The following SAP30BP variants were observed in gnomAD, a reference collection of about 807,000 sequenced individuals.
SAP30BP encodes the protein SAP30 binding protein.
Under a neutral mutation model 46.3 loss-of-function variants are expected in SAP30BP, and 31 were observed. The ratio of observed to expected loss-of-function variants is 0.67; its 90% CI spans 0.50 to 0.90. The LOEUF is 0.90. Among genes scored for constraint, SAP30BP ranks in the 40% least tolerant of loss-of-function variants. The pLI is 0.00. For synonymous variants in SAP30BP, 169 were observed against 144.2 expected (o/e 1.17, Z -1.23); for missense variants, 312 against 391.0 (o/e 0.80, Z 1.70).
intron 3 of SAP30BP, among the ~76,000 whole-genome samples, chr17:75,677,785 C>T (rs1189303441): frequency 3.0e-5 from 4 of 133,622 alleles, no homozygotes; most frequent in Admixed American, 8.1e-5. Flanking sequence ...TTAAATCAAA[C>T]GGCTACAGTT....
Position 75,703,304 on chromosome 17 carries a change from C to G in SAP30BP, c.489-7C>G. The G allele has an allele frequency of 6.2e-7, 1 of 1,614,078 alleles. No individual in the cohort carries two copies. On this transcript the variant is annotated splice_polypyrimidine_tract_variant and splice_region_variant and intron_variant, in intron 6 of 10. Coordinates refer to ENST00000584667, the MANE Select transcript of SAP30BP (RefSeq NM_013260.8). ...GTGCCTGCTCAGCGCCGGCACTGTT[C>G]TTTCAGCATCTACGAGAAGCTGATC...
intron 2 of SAP30BP, among the ~76,000 whole-genome samples, chr17:75,669,878 C>T (rs1367136480): frequency 6.6e-6 from 1 of 152,110 alleles, no homozygotes; most frequent in Non-Finnish European, 1.5e-5. Context: ...TTGCAGAAAA[C>T]GCAAGGAAAT....
chr17:75,703,618 C>T (rs574633549), intron 7 of SAP30BP, 190 bp from the exon 8 acceptor site: 7 of 647,666 alleles, frequency 1.1e-5, no homozygotes, highest in African/African-American at 7.3e-5. Context: ...TCCTGGGGTT[C>T]GCTGGATGGG....
intron 6 of SAP30BP, chr17:75,702,796 C>T (rs1403659658): frequency 1.3e-5 from 5 of 372,962 alleles, no homozygotes; most frequent in South Asian, 5.7e-5. Flanking sequence ...GAGACCTAGA[C>T]GGGGATGAGG....
chr17:75,669,100 G>T lies in SAP30BP; in HGVS notation c.216+475G>T, dbSNP rs372576972. On this transcript the variant is annotated intron_variant, in intron 2 of 10. Transcript: ENST00000584667. ...TTTTCTTTTTTTTTTTTGAGATAGG[G>T]TCTCACTCTGCTGTCCAGATTGGAG... Among the ~76,000 whole-genome samples the T allele has an allele frequency of 6.0e-5, 9 of 151,106 alleles. No individual in the cohort carries two copies. The East Asian group carries it at 9.7e-4, about 16-fold the overall frequency.
rs1475594944 is a variant in SAP30BP, at chr17:75,692,436, G to A, written c.265-1004G>A. On this transcript the variant is annotated intron_variant, in intron 3 of 10. Transcript: ENST00000584667. ...ACTTTCTGTGAACTCTGCCTCTGCT[G>A]TTTTGATGATGAGCACGTGTGGCCC... The A allele has an allele frequency of 5.1e-6, 5 of 985,378 alleles. No homozygotes were observed. The African/African-American group carries it at 8.7e-5, about 17-fold the overall frequency. The allele number at this position is 985,378 out of a possible 1,614,324, so 61.0% of individuals were successfully genotyped here.
intron 3 of SAP30BP, among the ~76,000 whole-genome samples, chr17:75,688,068 G>A (rs1046210824): frequency 3.3e-5 from 5 of 152,136 alleles, no homozygotes; most frequent in African/African-American, 9.7e-5. Flanking sequence ...TCATCGGCCA[G>A]GTGAGCATGA....
intron 4 of SAP30BP, among the ~76,000 whole-genome samples, chr17:75,695,725 G>A (rs1048949433): frequency 3.9e-5 from 6 of 152,172 alleles, no homozygotes; most frequent in Non-Finnish European, 7.4e-5. Context: ...TATGGGAAGT[G>A]TGTCCATGCA....
intron 3 of SAP30BP, among the ~76,000 whole-genome samples, chr17:75,675,526 A>C (rs2059977432): frequency 6.6e-6 from 1 of 152,218 alleles, no homozygotes; most frequent in African/African-American, 2.4e-5. Context: ...ACAATTAAAA[A>C]TTGAGGATCT....
chr17:75,667,502 A>T (rs751861829), intron 1 of SAP30BP, 24 bp downstream of exon 1: 1 of 1,607,890 alleles, frequency 6.2e-7, no homozygotes, highest in South Asian at 1.1e-5. Context: ...GCGAAGCTGG[A>T]AGGGGGAATC....
chr17:75,704,590 C>T, intron 8 of SAP30BP, 166 bp from the exon 9 acceptor site: 1 of 637,470 alleles, frequency 1.6e-6, no homozygotes, highest in South Asian at 1.8e-5. Flanking sequence ...GCTGAAGGCC[C>T]CTGCCCTATG....
In SAP30BP at chr17:75,681,468, G is replaced by A. The variant is rs560196616; in HGVS notation, c.264+9605G>A. Among the ~76,000 whole-genome samples, 7 of 152,286 alleles carry A rather than the reference G, an allele frequency of 4.6e-5. No individual in the cohort carries two copies. The South Asian group carries it at 1.0e-3, about 23-fold the overall frequency. ...GATTTGTATTGGGCAGAGCTGACTC[G>A]GTAATTCCCTCACCCACTCTCCTCT... On this transcript the variant is annotated intron_variant, in intron 3 of 10. Transcript: ENST00000584667.
At chr17:75,673,306 G>A (rs553839030) in intron 3 of SAP30BP, among the ~76,000 whole-genome samples, 5 of 152,268 alleles carry the variant, frequency 3.3e-5, no homozygotes, top group East Asian at 3.9e-4. Flanking sequence ...CTGAGAACTC[G>A]CCCTGCCTGA....
In SAP30BP at chr17:75,674,766, A is replaced by T. The variant is rs531260932; in HGVS notation, c.264+2903A>T. Among the ~76,000 whole-genome samples the T allele has an allele frequency of 9.0e-5, 11 of 121,676 alleles. No homozygotes were observed. In the South Asian group the frequency reaches 2.2e-3, roughly 25 times the overall value. The allele number at this position is 121,676 out of a possible 152,430, so 79.8% of individuals were successfully genotyped here. A position where few individuals can be genotyped will look rare whatever the true frequency, so the allele number is the denominator to read the frequency against. ...CTGTCGCCTGGAGTGCAGTGGTGCC[A>T]TCATAACTTACTGCAGCCACAACCT... On this transcript the variant is annotated intron_variant, in intron 3 of 10. Transcript: ENST00000584667.
At chr17:75,693,255 T>C (rs533714492) in intron 3 of SAP30BP, 185 bp from the exon 4 acceptor site, 120 of 581,352 alleles carry the variant, frequency 2.1e-4, no homozygotes, top group African/African-American at 1.5e-3. Context: ...GCTGCTGCGA[T>C]GCGGGAAGAA....
intron 1 of SAP30BP, 35 bp downstream of exon 1, chr17:75,667,513 G>C (rs1348393610): frequency 1.1e-5 from 17 of 1,592,026 alleles, no homozygotes; most frequent in Non-Finnish European, 8.6e-6. Flanking sequence ...AGGGGGAATC[G>C]GGTGTCTGCC....
chr17:75,667,711 C>T (rs1160716758), intron 1 of SAP30BP, among the ~76,000 whole-genome samples: 10 of 152,230 alleles, frequency 6.6e-5, no homozygotes, highest in Non-Finnish European at 1.5e-5. Flanking sequence ...TCCGTGCCGG[C>T]TATAGTGATA....
rs1233204679 is a variant in SAP30BP at position 75,689,298 on chromosome 17, G to T, written c.265-4142G>T. 2.6e-5 allele frequency among the ~76,000 whole-genome samples: 4 copies of T among 151,832 alleles called. No individual in the cohort carries two copies. In the East Asian group the frequency reaches 5.8e-4, roughly 22 times the overall value. On this transcript the variant is annotated intron_variant, in intron 3 of 10. Coordinates refer to ENST00000584667, the MANE Select transcript of SAP30BP (RefSeq NM_013260.8). The stretch of plus-strand genomic sequence containing the variant: ...TGCCCGGCTAATTTTTGTATTTTTA[G>T]TGGAGAGGAGGTTTTACCATGTTGT...
intron 3 of SAP30BP, among the ~76,000 whole-genome samples, chr17:75,689,191 C>A (rs866954316): frequency 4.9e-4 from 69 of 139,966 alleles, no homozygotes; most frequent in African/African-American, 1.8e-3. Flanking sequence ...CTTGCTCTTT[C>A]AGGCTGGAGT....
Sources: allele counts gnomAD v4.1 joint callset (sites outside exome capture counted in the v4.1 genomes callset), GRCh38; gene constraint gnomAD v4.1.1; transcripts MANE v1.5; gene names NCBI Gene and HGNC (gene_info 2026-07-23, HGNC 2026-07-21).